Variants in MTMR2 observed in about 807,000 individuals in gnomAD.
MTMR2 encodes phosphatidylinositol-3,5-bisphosphate 3-phosphatase MTMR2.
In MTMR2, 55 loss-of-function variants were observed where a neutral mutation model predicts 86.9. The observed-to-expected ratio is 0.63, with a 90% CI of 0.51 to 0.79. The LOEUF is 0.79. Among genes scored for constraint, MTMR2 ranks in the 30% least tolerant of loss-of-function variants. The pLI is 0.00. For missense variants in MTMR2, 659 were observed against 772.3 expected, an observed-to-expected ratio of 0.85 and a Z score of 1.74; for synonymous variants, 241 against 266.8, an observed-to-expected ratio of 0.90 and a Z score of 0.94.
At chr11:95,922,573 C>A (rs1270850757) in intron 1 of MTMR2, among the ~76,000 whole-genome samples, 3 of 149,544 alleles carry the variant, frequency 2.0e-5, no homozygotes, top group Non-Finnish European at 3.0e-5. Flanking sequence ...AAAAAAAAAA[C>A]CATTTAGTGA....
At position 95,847,835 on chromosome 11, in the gene MTMR2, A is replaced by C; in HGVS notation, c.1058T>G (p.Ile353Ser). The C allele has an allele frequency of 6.2e-7, 1 of 1,613,856 alleles. No individual in the cohort carries two copies. Among genetic ancestry groups the C allele is most frequent in the Non-Finnish European group, 8.5e-7 (1 of 1,179,800 alleles). Residue 353 changes from isoleucine to serine, a missense_variant, in exon 10 of 15, where the codon ATC (isoleucine) becomes AGC (serine). This residue lies in a region of MTMR2 where 387 missense variants were observed against 526.3 expected (regional missense o/e 0.74). Transcript: ENST00000346299. ...YQNAELVFLD[I>S]HNIHVMRESL... ...TTCTCTCATAACATGAATATTGTGG[A>C]TATCCAGGAAAACTAGTTCAGCATT... is the stretch of plus-strand genomic sequence containing the variant.
At chr11:95,897,756 C>T (rs139041688) in intron 1 of MTMR2, among the ~76,000 whole-genome samples, 10 of 152,202 alleles carry the variant, frequency 6.6e-5, no homozygotes, top group Admixed American at 1.3e-4. Context: ...ACAATACATA[C>T]ACGGTTGGTT....
chr11:95,836,462 A>G (rs961108221), intron 13 of MTMR2, 138 bp from the exon 14 acceptor site: 1 of 766,302 alleles, frequency 1.3e-6, no homozygotes, highest in Non-Finnish European at 2.2e-6. Flanking sequence ...TGATAAACCA[A>G]CTTATATTAA....
At chr11:95,847,575 G>C in intron 10 of MTMR2, 139 bp downstream of exon 10, 1 of 780,936 alleles carries the variant, frequency 1.3e-6, no homozygotes, top group East Asian at 2.6e-5. Context: ...TTCACTAGTA[G>C]TTCCAAGTAT....
At position 95,834,974 on chromosome 11, in the gene MTMR2, C is replaced by T; in HGVS notation, c.*316G>A. 2 of 358,850 alleles carry T rather than the reference C, an allele frequency of 5.6e-6. No individual in the cohort carries two copies. Among genetic ancestry groups the T allele is most frequent in the African/African-American group, 2.1e-5 (1 of 47,938 alleles). 22.2% of individuals were successfully genotyped at this position (358,850 alleles called of 1,614,324 possible). The stretch of plus-strand genomic sequence containing the variant: ...ATTTCTAAAATGGTTTTAATATTAC[C>T]AGATGCCAAAAATTTGTAACAGCAT... On this transcript the variant is annotated 3_prime_UTR_variant, in exon 15 of 15. Transcript: ENST00000346299.
chr11:95,865,426 G>A (rs557008718), intron 3 of MTMR2, 175 bp downstream of exon 3: 7 of 646,310 alleles, frequency 1.1e-5, no homozygotes, highest in East Asian at 2.7e-5. Context: ...CACTAGCAGC[G>A]GGTCTAGGCT....
rs1867053117 is a variant in MTMR2, at chr11:95,924,103, A to C, written c.-149T>G. On this transcript the variant is annotated 5_prime_UTR_variant, in exon 1 of 15. Coordinates refer to ENST00000346299, the MANE Select transcript of MTMR2 (RefSeq NM_016156.6). ...ACCGGAAGCGGCCATGTTCCCCCAG[A>C]GTGCACCGCGCCTGTAGGCTGCTGG... The C allele has an allele frequency of 5.1e-6, 5 of 972,962 alleles. No homozygotes were observed. The highest frequency in any genetic ancestry group is 2.9e-5 in the South Asian group (2 of 68,236). The allele number at this position is 972,962 out of a possible 1,614,324, so 60.3% of individuals were successfully genotyped here.
At chr11:95,911,957 A>G (rs1034744493) in intron 1 of MTMR2, among the ~76,000 whole-genome samples, 5 of 152,162 alleles carry the variant, frequency 3.3e-5, no homozygotes, top group Non-Finnish European at 7.4e-5. Flanking sequence ...CCAGATAGAT[A>G]TATTTTGTTT....
At chr11:95,868,297 AAAAAGAAAG>A (rs1864701582) in intron 2 of MTMR2, among the ~76,000 whole-genome samples, 1 of 121,672 alleles carries the variant, frequency 8.2e-6, no homozygotes, top group Admixed American at 8.1e-5. Context: ...AAAAAAAAAA[AAAAAGAAAG>A]AAAAAGAAAA....
chr11:95,878,912 T>C (rs184966676), intron 2 of MTMR2, among the ~76,000 whole-genome samples: 5 of 152,262 alleles, frequency 3.3e-5, no homozygotes, highest in Admixed American at 3.3e-4. Context: ...TATGTACTGT[T>C]TTTAGAAGAT....
rs140572939 is a variant in MTMR2 at position 95,918,938 on chromosome 11, G to C, written c.80+4937C>G. Among the ~76,000 whole-genome samples the C allele has an allele frequency of 5.5e-3, 837 of 152,288 alleles. 11 individuals are homozygous for C. The highest frequency in any genetic ancestry group is 0.019 in the African/African-American group (790 of 41,554). ...TGCAGCCTCAACGTTCCCAGGCTCA[G>C]GTGATCCTCTCACACCAGCCTCCCA... On this transcript the variant is annotated intron_variant, in intron 1 of 14. Coordinates refer to ENST00000346299, the MANE Select transcript of MTMR2 (RefSeq NM_016156.6).
At chr11:95,851,356 C>A (rs509819) in intron 7 of MTMR2, among the ~76,000 whole-genome samples, 2 of 145,994 alleles carry the variant, frequency 1.4e-5, no homozygotes, top group Admixed American at 6.7e-5. Flanking sequence ...TGTTCCTATT[C>A]TTTATTTATT....
At chr11:95,920,747 T>A (rs1013431185) in intron 1 of MTMR2, among the ~76,000 whole-genome samples, 2 of 152,224 alleles carry the variant, frequency 1.3e-5, no homozygotes, top group African/African-American at 4.8e-5. Context: ...TTTCATTTTT[T>A]AAAATATTTT....
rs75485539 is a variant in MTMR2 at position 95,867,932 on chromosome 11, C to G, written c.187-2256G>C. 1.7e-3 allele frequency among the ~76,000 whole-genome samples: 262 copies of G among 151,804 alleles called. 1 individual carries two copies. Among genetic ancestry groups the G allele is most frequent in the African/African-American group, 6.1e-3 (251 of 41,398 alleles). ...CATTTGTAAAAGCATGTATAAGGTA[C>G]TTGGCACACTCAAAAGGAAATAAGC... On this transcript the variant is annotated intron_variant, in intron 2 of 14. Coordinates refer to ENST00000346299, the MANE Select transcript of MTMR2 (RefSeq NM_016156.6).
At chr11:95,865,699 A>G (rs774966645) in intron 2 of MTMR2, 23 bp from the exon 3 acceptor site, 42 of 1,602,242 alleles carry the variant, frequency 2.6e-5, no homozygotes, top group Non-Finnish European at 3.5e-5. Flanking sequence ...AGACAAAAAA[A>G]GAAACATTTT....
intron 12 of MTMR2, among the ~76,000 whole-genome samples, chr11:95,840,399 T>C (rs963786186): frequency 2.6e-5 from 4 of 152,088 alleles, no homozygotes; most frequent in African/African-American, 9.7e-5. Flanking sequence ...CAAAAAAGGA[T>C]TGTAGGGACT....
chr11:95,860,606 T>C (rs1274744456), intron 5 of MTMR2, among the ~76,000 whole-genome samples: 1 of 152,220 alleles, frequency 6.6e-6, no homozygotes, highest in African/African-American at 2.4e-5. Flanking sequence ...ATTATACACA[T>C]GCTGTTTCTT....
At chr11:95,843,553 A>G (rs1863642246) in intron 11 of MTMR2, among the ~76,000 whole-genome samples, 1 of 152,168 alleles carries the variant, frequency 6.6e-6, no homozygotes, top group East Asian at 1.9e-4. Flanking sequence ...AAAGCTATTA[A>G]AATACTTTCT....
intron 1 of MTMR2, among the ~76,000 whole-genome samples, chr11:95,909,104 GT>G (rs1017825587): frequency 3.3e-5 from 5 of 151,770 alleles, no homozygotes; most frequent in Admixed American, 6.6e-5. Flanking sequence ...ATAACAAAGG[GT>G]TTTTTTCCTT....
Sources: allele counts gnomAD v4.1 joint callset (sites outside exome capture counted in the v4.1 genomes callset), GRCh38; gene constraint gnomAD v4.1.1; regional missense constraint gnomAD v4.1.1; transcripts MANE v1.5; gene names NCBI Gene and HGNC (gene_info 2026-07-23, HGNC 2026-07-21).